The following PTPRD variants were observed in gnomAD, a reference collection of about 807,000 sequenced individuals.
The protein encoded by PTPRD is receptor-type tyrosine-protein phosphatase delta.
In PTPRD, 34 loss-of-function variants were observed where a neutral mutation model predicts 214.5. The ratio of observed to expected loss-of-function variants is 0.16; its 90% CI spans 0.12 to 0.21. The LOEUF (loss-of-function observed/expected upper bound fraction) is 0.21, where lower values mean the gene tolerates loss of function less well. Among genes scored for constraint, PTPRD ranks in the 10% least tolerant of loss-of-function variants. The probability of loss-of-function intolerance (pLI) is 1.00; values close to 1 mark genes in which losing one functional copy is unlikely to be tolerated. For missense variants in PTPRD, 2,545 were observed against 2,398.7 expected (o/e 1.06, Z -1.27); for synonymous variants, 1,128 against 845.7 (o/e 1.33, Z -5.79).
chr9:8,721,790 AT>A (rs1286304765), intron 12 of PTPRD, among the ~76,000 whole-genome samples: 2 of 152,216 alleles, frequency 1.3e-5, no homozygotes, highest in African/African-American at 4.8e-5. Context: ...CTCTTTCCCA[AT>A]TCGCACAGCT....
chr9:9,498,487 T>C (rs1410314514), intron 8 of PTPRD, among the ~76,000 whole-genome samples: 1 of 152,136 alleles, frequency 6.6e-6, no homozygotes, highest in Non-Finnish European at 1.5e-5. Context: ...CTCCAGAGCC[T>C]TTCATTCTCA....
rs117973456 is a variant in PTPRD, at chr9:8,742,609, T to A, written c.-103-8663A>T. On this transcript the variant is annotated intron_variant, in intron 11 of 45. Transcript: ENST00000381196. ...TACATAGTACGGAAAAGTCTGGCAA[T>A]ACATATTTTACTTCTTTACTATGAA... 1.9e-4 allele frequency among the ~76,000 whole-genome samples: 29 copies of A among 152,328 alleles called. No homozygotes were observed. In the East Asian group the frequency reaches 5.4e-3, roughly 28 times the overall value.
chr9:8,435,361 A>C (rs1005151723), intron 35 of PTPRD, among the ~76,000 whole-genome samples: 3 of 152,144 alleles, frequency 2.0e-5, no homozygotes, highest in Non-Finnish European at 2.9e-5. Context: ...GTAGAATGTT[A>C]GCGCTGGTAG....
intron 32 of PTPRD, among the ~76,000 whole-genome samples, 177 bp from the exon 33 acceptor site, chr9:8,460,748 A>AT (rs2096374957): frequency 6.6e-6 from 1 of 152,024 alleles, no homozygotes; most frequent in Admixed American, 6.6e-5. Flanking sequence ...AGGATGGAAG[A>AT]TGTTTTGTAA....
At position 9,995,932 on chromosome 9, in the gene PTPRD, C is replaced by A. The variant is rs1254387938; in HGVS notation, c.-472+37786G>T. Among the ~76,000 whole-genome samples the A allele has an allele frequency of 2.0e-5, 3 of 152,132 alleles. No individual in the cohort carries two copies. The East Asian group carries it at 5.8e-4, about 29-fold the overall frequency. On this transcript the variant is annotated intron_variant, in intron 4 of 45. Coordinates refer to ENST00000381196, the MANE Select transcript of PTPRD (RefSeq NM_002839.4). ...CTGGGAGCTCACTACTTCCCCTTCC[C>A]AAAACAATCCATTTATTTCTACCAG...
rs954924857 is a variant in PTPRD at position 8,441,436 on chromosome 9, G to A, written c.3989-4747C>T. On this transcript the variant is annotated intron_variant, in intron 34 of 45. Transcript: ENST00000381196. ...ACAGCCACTCAAAATCCAGAGTATCGTGTGGCATTTCCTCAGTTTTCAATG... is the reference window on the plus strand; with the variant it reads ...ACAGCCACTCAAAATCCAGAGTATCATGTGGCATTTCCTCAGTTTTCAATG... Among the ~76,000 whole-genome samples the A allele has an allele frequency of 5.9e-5, 9 of 151,996 alleles. No homozygotes were observed. In the East Asian group the frequency reaches 1.2e-3, roughly 20 times the overall value.
chr9:9,429,644 A>T (rs1036728077), intron 8 of PTPRD, among the ~76,000 whole-genome samples: 17 of 152,186 alleles, frequency 1.1e-4, no homozygotes, highest in African/African-American at 3.9e-4. Context: ...TTGATGCAAA[A>T]ATCCTCAATA....
intron 10 of PTPRD, among the ~76,000 whole-genome samples, chr9:9,116,399 T>C (rs115637313): frequency 0.021 from 3,186 of 152,130 alleles, 115 homozygotes; most frequent in African/African-American, 0.073. Flanking sequence ...TTCTCACTCA[T>C]AAGTGAGAGC....
At chr9:9,814,093 T>C (rs947091930) in intron 5 of PTPRD, among the ~76,000 whole-genome samples, 1 of 152,120 alleles carries the variant, frequency 6.6e-6, no homozygotes, top group Non-Finnish European at 1.5e-5. Flanking sequence ...ATAAAATTTA[T>C]TATCTTTCCA....
At chr9:9,488,921 T>A (rs2095781653) in intron 8 of PTPRD, among the ~76,000 whole-genome samples, 2 of 152,074 alleles carry the variant, frequency 1.3e-5, no homozygotes, top group African/African-American at 4.8e-5. Context: ...ATATATGGGA[T>A]CTTTGCTTGG....
At chr9:10,514,524 TTTTA>T (rs1169514795) in intron 2 of PTPRD, among the ~76,000 whole-genome samples, 8 of 151,950 alleles carry the variant, frequency 5.3e-5, no homozygotes, top group African/African-American at 1.9e-4. Context: ...AATGAATATT[TTTTA>T]TTTTATTGCA....
intron 3 of PTPRD, among the ~76,000 whole-genome samples, chr9:10,151,464 T>C (rs1470974095): frequency 6.6e-6 from 1 of 151,940 alleles, no homozygotes; most frequent in Non-Finnish European, 1.5e-5. Flanking sequence ...GGTTTTACCA[T>C]GTTGACCAGG....
At chr9:8,827,966 CT>C (rs1049862358) in intron 11 of PTPRD, among the ~76,000 whole-genome samples, 1 of 152,068 alleles carries the variant, frequency 6.6e-6, no homozygotes, top group Non-Finnish European at 1.5e-5. Flanking sequence ...TCACCATCCC[CT>C]AAACAATAAG....
intron 8 of PTPRD, among the ~76,000 whole-genome samples, chr9:9,465,673 T>A (rs900183595): frequency 1.3e-5 from 2 of 152,282 alleles, no homozygotes. Context: ...CCAAACCCAA[T>A]GCGTTCTGGA....
chr9:8,868,339 G>A (rs1392519467), intron 11 of PTPRD, among the ~76,000 whole-genome samples: 1 of 152,104 alleles, frequency 6.6e-6, no homozygotes, highest in Non-Finnish European at 1.5e-5. Flanking sequence ...GCTGGGATTA[G>A]GGGCATGTAC....
At chr9:8,588,757 G>A (rs909682241) in intron 14 of PTPRD, among the ~76,000 whole-genome samples, 1 of 152,026 alleles carries the variant, frequency 6.6e-6, no homozygotes, top group African/African-American at 2.4e-5. Flanking sequence ...GCAATCTTAG[G>A]AAGTTATTGA....
intron 9 of PTPRD, among the ~76,000 whole-genome samples, chr9:9,258,131 T>C (rs560392380): frequency 6.7e-6 from 1 of 148,648 alleles, no homozygotes; most frequent in Admixed American, 6.7e-5. Flanking sequence ...ATAAACTGCA[T>C]CAGGCTTCTA....
intron 3 of PTPRD, among the ~76,000 whole-genome samples, chr9:10,238,116 A>G (rs1398189494): frequency 6.6e-6 from 1 of 151,800 alleles, no homozygotes. Context: ...TGAGAGAAAG[A>G]GTTGTTTTAA....
intron 3 of PTPRD, among the ~76,000 whole-genome samples, chr9:10,168,952 C>CT (rs1182681891): frequency 2.0e-5 from 3 of 152,072 alleles, no homozygotes; most frequent in African/African-American, 7.2e-5. Flanking sequence ...GTCTTATGGA[C>CT]TGGAGGAGCC....
Sources: gnomAD v4.1 joint callset for allele counts (sites outside exome capture counted in the v4.1 genomes callset) on GRCh38, gnomAD v4.1.1 for gene constraint, MANE v1.5 for transcripts, NCBI Gene and HGNC (gene_info 2026-07-23, HGNC 2026-07-21) for gene names.